The following GART variants were observed in gnomAD, a reference collection of about 807,000 sequenced individuals.
The protein encoded by GART is trifunctional purine biosynthetic protein adenosine-3.
GART carries 43 observed loss-of-function variants against 107.2 expected under a neutral mutation model. The ratio of observed to expected loss-of-function variants is 0.40; its 90% confidence interval spans 0.31 to 0.52. GART has a LOEUF of 0.52. GART is among the 20% of genes least tolerant of loss of function. The pLI, the probability that GART is intolerant of heterozygous loss-of-function variation, is 0.52. For missense variants in GART, 1,107 were observed against 1,206.5 expected (o/e 0.92, Z 1.22); for synonymous variants, 434 against 427.0 (o/e 1.02, Z -0.20).
chr21:33,520,097 C>T (rs1041127527), intron 14 of GART, among the ~76,000 whole-genome samples: 1 of 151,778 alleles, frequency 6.6e-6, no homozygotes, highest in Non-Finnish European at 1.5e-5. Flanking sequence ...TAAAAGGTGG[C>T]CAAAAATTGG....
At position 33,504,190 on chromosome 21, in the gene GART, C is replaced by A. The variant is rs371998114; in HGVS notation, c.2967G>T (p.Gln989His). 11 of 1,614,100 alleles carry A rather than the reference C, an allele frequency of 6.8e-6. No homozygotes were observed. The highest frequency in any genetic ancestry group is 1.3e-5 in the African/African-American group (1 of 74,930). The change falls in exon 22 of 22, where the codon CAG becomes CAT. Residue 989 changes from glutamine (Q) to histidine (H), a missense_variant. Physicochemically the swap from Gln to His is conservative, Grantham distance 24. Coordinates refer to ENST00000381815, the MANE Select transcript of GART (RefSeq NM_000819.5). ...GCTGTACAGTTCCACTGGCCACCAG[C>A]TGAAGGGCTGCAGGAAATATTTTAT... ...AEHKIFPAAL[Q>H]LVASGTVQLG...
chr21:33,518,774 G>C (rs1458877635), intron 14 of GART: 7 of 478,524 alleles, frequency 1.5e-5, no homozygotes, highest in South Asian at 1.1e-4. Flanking sequence ...TCCATCCACA[G>C]ACTATTTGGG....
Position 33,513,225 on chromosome 21 carries a change from G to A in GART, c.2108-1767C>T, listed in dbSNP as rs1019440949. Among the ~76,000 whole-genome samples, 3 of 148,538 alleles carry A rather than the reference G, an allele frequency of 2.0e-5. No individual in the cohort carries two copies. The Admixed American group carries it at 2.0e-4, about 10-fold the overall frequency. On this transcript the variant is annotated intron_variant, in intron 16 of 21. Coordinates refer to ENST00000381815, the MANE Select transcript of GART (RefSeq NM_000819.5). ...GGGGATCCATCCACCTCAGCCTCCC[G>A]AAGTGCTGGAATTACAGGGGTGAGC...
At chr21:33,520,328 G>A (rs1046177142) in intron 14 of GART, 36 bp downstream of exon 14, 10 of 1,588,036 alleles carry the variant, frequency 6.3e-6, no homozygotes, top group Admixed American at 3.4e-5. Flanking sequence ...ACAAAAAGAA[G>A]AATGACATGT....
At chr21:33,539,135 T>C in intron 2 of GART, 36 bp downstream of exon 2, 1 of 1,584,288 alleles carries the variant, frequency 6.3e-7, no homozygotes, top group Non-Finnish European at 8.6e-7. Flanking sequence ...TAATAACAAA[T>C]AATAACTATT....
intron 6 of GART, 61 bp downstream of exon 6, chr21:33,531,428 T>G (rs2085186538): frequency 7.0e-7 from 1 of 1,433,818 alleles, no homozygotes; most frequent in Non-Finnish European, 9.7e-7. Context: ...TTTTCTGGGG[T>G]ACACAGGTCA....
At chr21:33,527,907 T>C (rs1022998687) in intron 10 of GART, among the ~76,000 whole-genome samples, 1 of 152,182 alleles carries the variant, frequency 6.6e-6, no homozygotes, top group African/African-American at 2.4e-5. Flanking sequence ...AGTGGAAGGC[T>C]GCACTGGGTG....
intron 1 of GART, among the ~76,000 whole-genome samples, chr21:33,539,767 C>G (rs2085375790): frequency 6.6e-6 from 1 of 151,696 alleles, no homozygotes; most frequent in Admixed American, 6.6e-5. Flanking sequence ...CATTTTCATC[C>G]AATGATTCAT....
chr21:33,531,569 A>ATTTTTTTTTTTTTTTTTTT lies in GART; in HGVS notation c.529-31_529-13dup. 1 of 1,245,084 alleles carries ATTTTTTTTTTTTTTTTTTT rather than the reference A, an allele frequency of 8.0e-7. No homozygotes were observed. The highest frequency in any genetic ancestry group is 1.5e-5 in the South Asian group (1 of 65,162). 77.1% of individuals were successfully genotyped at this position (1,245,084 alleles called of 1,614,324 possible). A position where few individuals can be genotyped will look rare whatever the true frequency, so the allele number is the denominator to read the frequency against. ...CCAAAGGCTTTCTCCTGATTGTAAGATTTTTTTTTTTTTTTTTTTTAAAAA... is the reference window on the plus strand; with the variant it reads ...CCAAAGGCTTTCTCCTGATTGTAAGATTTTTTTTTTTTTTTTTTTTTTTTTTTTTTTTTTTTTTTAAAAA... On this transcript the variant is annotated splice_polypyrimidine_tract_variant and intron_variant, in intron 5 of 21. Coordinates refer to ENST00000381815, the MANE Select transcript of GART (RefSeq NM_000819.5).
At chr21:33,516,325 C>T (rs2084879033) in intron 16 of GART, among the ~76,000 whole-genome samples, 1 of 151,576 alleles carries the variant, frequency 6.6e-6, no homozygotes, top group Admixed American at 6.6e-5. Context: ...GGTTTACCCA[C>T]TACTTTGGAC....
At chr21:33,528,772 A>AT in intron 8 of GART, 78 bp downstream of exon 8, 10 of 1,066,104 alleles carry the variant, frequency 9.4e-6, no homozygotes, top group Non-Finnish European at 1.4e-5. Context: ...AAAAAAAAAA[A>AT]GGGAATGGAA....
chr21:33,528,060 A>G, intron 10 of GART, 107 bp downstream of exon 10: 2 of 1,020,772 alleles, frequency 2.0e-6, no homozygotes, highest in Non-Finnish European at 3.0e-6. Flanking sequence ...AAGGTTTCTG[A>G]TGGCTTCACA....
intron 11 of GART, among the ~76,000 whole-genome samples, chr21:33,523,058 C>T (rs768272958): frequency 1.2e-4 from 19 of 152,194 alleles, no homozygotes; most frequent in Non-Finnish European, 2.4e-4. Context: ...ATACTCAGTG[C>T]ATCATTTCCT....
rs567244749 is a variant in GART, at chr21:33,537,579, A to T, written c.145+1592T>A. On this transcript the variant is annotated intron_variant, in intron 2 of 21. Transcript: ENST00000381815. Reference sequence around the variant, plus strand: ...TCATAAACAAATGAAATGGGGATGGACACTTGCTTTTAGTAAGAAACTGTA... The same window carrying T: ...TCATAAACAAATGAAATGGGGATGGTCACTTGCTTTTAGTAAGAAACTGTA... 5.0e-4 allele frequency among the ~76,000 whole-genome samples: 76 copies of T among 152,352 alleles called. No homozygotes were observed. The South Asian group carries it at 0.016, about 31-fold the overall frequency.
At chr21:33,534,995 G>A (rs903648757) in intron 3 of GART, among the ~76,000 whole-genome samples, 1 of 152,086 alleles carries the variant, frequency 6.6e-6, no homozygotes, top group East Asian at 1.9e-4. Context: ...CCAGAATACA[G>A]CAGAATAAAG....
chr21:33,506,054 C>A lies in GART; in HGVS notation c.2503G>T (p.Ala835Ser), dbSNP rs780499102. 4 of 1,614,002 alleles carry A rather than the reference C, an allele frequency of 2.5e-6. No homozygotes were observed. The highest frequency in any genetic ancestry group is 3.4e-6 in the Non-Finnish European group (4 of 1,180,008). Reference protein sequence around the residue: ...IDSTREPNSSAQIDIVISNKA... With the variant: ...IDSTREPNSSSQIDIVISNKA... ...TTGGAGATAACAATATCAATTTGTG[C>A]AGAGCTATTTGGTTCCCGAGTACTG... is the stretch of plus-strand genomic sequence containing the variant. The change falls in exon 19 of 22, where the codon GCA (alanine) becomes TCA (serine). Residue 835 changes from alanine (A) to serine (S), a missense_variant. Transcript: ENST00000381815.
chr21:33,505,432 A>G (rs2084661473), intron 20 of GART, 129 bp downstream of exon 20: 6 of 674,832 alleles, frequency 8.9e-6, no homozygotes, highest in Non-Finnish European at 1.2e-5. Flanking sequence ...TATTAATAAA[A>G]TATCACAGTC....
intron 9 of GART, 22 bp downstream of exon 9, chr21:33,528,497 A>C: frequency 6.4e-7 from 1 of 1,571,930 alleles, no homozygotes; most frequent in Non-Finnish European, 8.7e-7. Flanking sequence ...CTACCAAGTA[A>C]TACTTTGATA....
intron 5 of GART, 154 bp from the exon 6 acceptor site, chr21:33,531,711 A>C: frequency 1.6e-6 from 1 of 638,028 alleles, no homozygotes; most frequent in South Asian, 2.2e-5. Context: ...CAAAGGGAAC[A>C]TATAAATGTT....
Sources: allele counts gnomAD v4.1 joint callset (sites outside exome capture counted in the v4.1 genomes callset), GRCh38; gene constraint gnomAD v4.1.1; transcripts MANE v1.5; gene names NCBI Gene and HGNC (gene_info 2026-07-23, HGNC 2026-07-21).